Variants in PCDH15 observed in about 807,000 individuals in gnomAD.
The protein encoded by PCDH15 is protocadherin-15.
In PCDH15, 129 loss-of-function variants were observed where a neutral mutation model predicts 178.5. The observed-to-expected ratio is 0.72, with a 90% confidence interval of 0.63 to 0.84. The LOEUF (loss-of-function observed/expected upper bound fraction) is 0.84. Among genes scored for constraint, PCDH15 ranks in the 40% least tolerant of loss-of-function variants. The pLI, the probability that PCDH15 is intolerant of heterozygous loss-of-function variation, is 0.00. For missense variants in PCDH15, 2,230 were observed against 2,099.9 expected, an observed-to-expected ratio of 1.06 and a Z score of -1.21; for synonymous variants, 800 against 732.0, an observed-to-expected ratio of 1.09 and a Z score of -1.50.
At chr10:54,471,969 T>G (rs1312753436) in intron 3 of PCDH15, among the ~76,000 whole-genome samples, 1 of 152,154 alleles carries the variant, frequency 6.6e-6, no homozygotes, top group Non-Finnish European at 1.5e-5. Flanking sequence ...TATGACACTC[T>G]GATTTATGAG....
chr10:54,417,596 G>A (rs1411962158), intron 3 of PCDH15, among the ~76,000 whole-genome samples: 1 of 152,078 alleles, frequency 6.6e-6, no homozygotes, highest in Non-Finnish European at 1.5e-5. Context: ...AATGCTTGAT[G>A]TAATAAAATT....
At chr10:54,187,636 C>G (rs2048589320) in intron 11 of PCDH15, among the ~76,000 whole-genome samples, 2 of 151,826 alleles carry the variant, frequency 1.3e-5, no homozygotes, top group African/African-American at 4.8e-5. Context: ...AGAAAGATAA[C>G]ATTTCCCAGA....
chr10:54,568,912 A>C (rs2089415149), intron 2 of PCDH15, among the ~76,000 whole-genome samples: 1 of 152,022 alleles, frequency 6.6e-6, no homozygotes, highest in Admixed American at 6.6e-5. Context: ...ATTTTGTAAA[A>C]AATTTTTGAT....
chr10:54,532,610 C>T (rs902091689), intron 2 of PCDH15, among the ~76,000 whole-genome samples: 1 of 152,138 alleles, frequency 6.6e-6, no homozygotes, highest in East Asian at 1.9e-4. Flanking sequence ...AAACAAAGGG[C>T]CTCAATCAAA....
intron 2 of PCDH15, among the ~76,000 whole-genome samples, chr10:55,058,744 G>T (rs374750934): frequency 1.3e-5 from 2 of 151,982 alleles, no homozygotes; most frequent in Non-Finnish European, 1.5e-5. Flanking sequence ...ATATTGCATC[G>T]TGTGTGTTCT....
intron 25 of PCDH15, among the ~76,000 whole-genome samples, chr10:53,929,101 G>A (rs1315375340): frequency 1.3e-5 from 2 of 151,852 alleles, no homozygotes; most frequent in African/African-American, 2.4e-5. Context: ...ATTTTGAAAA[G>A]TCTGATTATA....
chr10:54,070,354 C>T (rs1565179736), intron 17 of PCDH15, among the ~76,000 whole-genome samples: 1 of 152,096 alleles, frequency 6.6e-6, no homozygotes, highest in Non-Finnish European at 1.5e-5. Flanking sequence ...CAGACATGTG[C>T]CACCATGCCT....
chr10:54,184,337 A>G (rs916287081), intron 12 of PCDH15, among the ~76,000 whole-genome samples: 11 of 152,072 alleles, frequency 7.2e-5, no homozygotes, highest in Non-Finnish European at 8.8e-5. Flanking sequence ...CTCTTAGCTC[A>G]TCTTTCTCCT....
chr10:55,105,558 T>C (rs1842655799), intron 2 of PCDH15, among the ~76,000 whole-genome samples: 1 of 152,172 alleles, frequency 6.6e-6, no homozygotes, highest in Admixed American at 6.5e-5. Flanking sequence ...TTATTTAATA[T>C]TACAGGAGGA....
intron 8 of PCDH15, among the ~76,000 whole-genome samples, chr10:54,278,276 T>G (rs1343934783): frequency 6.6e-6 from 1 of 151,562 alleles, no homozygotes. Context: ...ACCCTCAATT[T>G]GTAGCCATTG....
intron 2 of PCDH15, among the ~76,000 whole-genome samples, chr10:55,431,089 G>A (rs573772761): frequency 1.7e-4 from 26 of 152,162 alleles, no homozygotes; most frequent in African/African-American, 5.8e-4. Flanking sequence ...ACCTGGGTTA[G>A]GTTCAAAGAG....
At chr10:55,375,358 A>G (rs1320571930) in intron 2 of PCDH15, among the ~76,000 whole-genome samples, 1 of 152,084 alleles carries the variant, frequency 6.6e-6, no homozygotes, top group Admixed American at 6.6e-5. Context: ...AAAATTAGTG[A>G]AGGCTGGAAT....
At chr10:55,617,583 G>T (rs1034951858) in intron 2 of PCDH15, among the ~76,000 whole-genome samples, 1 of 151,926 alleles carries the variant, frequency 6.6e-6, no homozygotes, top group African/African-American at 2.4e-5. Context: ...GCAATAAACT[G>T]CATTTACATT....
chr10:54,933,664 C>A (rs1178802772), intron 2 of PCDH15, among the ~76,000 whole-genome samples: 1 of 152,094 alleles, frequency 6.6e-6, no homozygotes. Context: ...ACCAAGAAAA[C>A]CTTGATAAAA....
intron 1 of PCDH15, among the ~76,000 whole-genome samples, chr10:54,666,559 T>C (rs955982811): frequency 1.3e-5 from 2 of 152,016 alleles, no homozygotes; most frequent in African/African-American, 2.4e-5. Flanking sequence ...GATTTCTATA[T>C]ACAATGGCTT....
chr10:55,127,744 T>C (rs891399845), intron 2 of PCDH15, among the ~76,000 whole-genome samples: 4 of 152,086 alleles, frequency 2.6e-5, no homozygotes, highest in African/African-American at 7.2e-5. Context: ...GTTATGATTA[T>C]CAGATTTTGC....
At chr10:54,532,454 A>C (rs2084025972) in intron 2 of PCDH15, among the ~76,000 whole-genome samples, 1 of 152,180 alleles carries the variant, frequency 6.6e-6, no homozygotes, top group African/African-American at 2.4e-5. Context: ...ACTCTGCCTC[A>C]TAATATCAAT....
At chr10:55,522,101 T>C (rs1589107310) in intron 2 of PCDH15, among the ~76,000 whole-genome samples, 2 of 151,970 alleles carry the variant, frequency 1.3e-5, no homozygotes, top group Admixed American at 6.6e-5. Context: ...CTTCTATTTT[T>C]AATTTTTTTA....
At chr10:54,944,544 A>G (rs1186776738) in intron 2 of PCDH15, among the ~76,000 whole-genome samples, 3 of 151,934 alleles carry the variant, frequency 2.0e-5, no homozygotes, top group Non-Finnish European at 4.4e-5. Flanking sequence ...TACACAGTTT[A>G]TGCTAGTTAT....
Sources: gnomAD v4.1 joint callset for allele counts (sites outside exome capture counted in the v4.1 genomes callset) on GRCh38, gnomAD v4.1.1 for gene constraint, MANE v1.5 for transcripts, NCBI Gene and HGNC (gene_info 2026-07-23, HGNC 2026-07-21) for gene names.